EIPR1: variants seen among roughly 807,000 people sequenced by gnomAD.
The protein encoded by EIPR1 is EARP complex and GARP complex interacting protein 1, also known as EARP and GARP complex-interacting protein 1.
In EIPR1, 25 loss-of-function variants were observed where a neutral mutation model predicts 48.1. The ratio of observed to expected loss-of-function variants is 0.52; its 90% CI spans 0.38 to 0.73. The LOEUF is 0.73. EIPR1 is among the 30% of genes least tolerant of loss of function. The pLI, the probability that EIPR1 is intolerant of heterozygous loss-of-function variation, is 0.00. For missense variants in EIPR1, 415 were observed against 506.2 expected (o/e 0.82, Z 1.73); for synonymous variants, 204 against 201.9 (o/e 1.01, Z -0.09).
intron 2 of EIPR1, among the ~76,000 whole-genome samples, chr2:3,351,554 G>A (rs556256221): frequency 3.9e-5 from 6 of 152,180 alleles, no homozygotes; most frequent in East Asian, 1.9e-4. Flanking sequence ...TCTCCCATGT[G>A]GGTTTTACTC....
chr2:3,246,891 G>A (rs1377308678), intron 4 of EIPR1, among the ~76,000 whole-genome samples: 2 of 83,688 alleles, frequency 2.4e-5, no homozygotes, highest in African/African-American at 4.8e-5. Context: ...GAGGGAGGGA[G>A]GGAGGGAAGG....
chr2:3,296,272 C>CCT (rs1558281189), intron 3 of EIPR1, among the ~76,000 whole-genome samples: 3 of 121,100 alleles, frequency 2.5e-5, no homozygotes, highest in African/African-American at 6.4e-5. Flanking sequence ...TCCAGCCCAT[C>CCT]CTCACCACAC....
At chr2:3,227,919 T>A (rs1013868845) in intron 4 of EIPR1, among the ~76,000 whole-genome samples, 1 of 152,266 alleles carries the variant, frequency 6.6e-6, no homozygotes, top group Non-Finnish European at 1.5e-5. Flanking sequence ...TATGGAAACC[T>A]CTGCCTAGAT....
chr2:3,198,038 C>A (rs1195134602), intron 5 of EIPR1, among the ~76,000 whole-genome samples: 1 of 152,200 alleles, frequency 6.6e-6, no homozygotes, highest in African/African-American at 2.4e-5. Flanking sequence ...GTTGGGTACC[C>A]AGGCTCGGGG....
At chr2:3,369,465 G>T (rs190383023) in intron 1 of EIPR1, among the ~76,000 whole-genome samples, 3,831 of 152,306 alleles carry the variant, frequency 0.025, 55 homozygotes, top group Middle Eastern at 0.034. Flanking sequence ...AGGGGTCAGG[G>T]AGTTCCCTTT....
chr2:3,208,842 G>A (rs1201635468), intron 5 of EIPR1: 2 of 1,550,358 alleles, frequency 1.3e-6, no homozygotes, highest in Non-Finnish European at 1.7e-6. Flanking sequence ...CAGGTGTCTG[G>A]GGCCATCCCT....
At chr2:3,336,918 AAAGGGAAGGGAAGGGAAAAGGG>A in intron 3 of EIPR1, among the ~76,000 whole-genome samples, 1 of 53,462 alleles carries the variant, frequency 1.9e-5, no homozygotes, top group Non-Finnish European at 4.3e-5. Context: ...AGGGAAGGGA[AAAGGGAAGGGAAGGGAAAAGGG>A]AAGGGAAGGG....
intron 3 of EIPR1, 99 bp from the exon 4 acceptor site, chr2:3,257,554 G>T: frequency 2.1e-6 from 3 of 1,408,936 alleles, no homozygotes; most frequent in Non-Finnish European, 2.9e-6. Context: ...TAAGCAGCGC[G>T]CATCTGCTCT....
intron 4 of EIPR1, among the ~76,000 whole-genome samples, chr2:3,246,078 C>T (rs1376186414): frequency 6.6e-6 from 1 of 152,126 alleles, no homozygotes; most frequent in Non-Finnish European, 1.5e-5. Context: ...AGTGACAAAG[C>T]CAGACCCCGT....
chr2:3,332,586 C>A (rs1378349109), intron 3 of EIPR1, among the ~76,000 whole-genome samples: 1 of 152,218 alleles, frequency 6.6e-6, no homozygotes, highest in Non-Finnish European at 1.5e-5. Context: ...GCCCACAGAC[C>A]AGTTACTGTT....
Position 3,230,126 on chromosome 2 carries a change from G to A in EIPR1, c.417-15878C>T, listed in dbSNP as rs894573027. ...CAGTGTACAGGTGTTTCACTGGCTT[G>A]GTAAAAGTTATTCCTGAAAATTTTA... On this transcript the variant is annotated intron_variant, in intron 4 of 8. Transcript: ENST00000382125. 9.0e-4 allele frequency among the ~76,000 whole-genome samples: 132 copies of A among 146,848 alleles called. 1 individual carries two copies. The highest frequency in any genetic ancestry group is 4.1e-3 in the South Asian group (18 of 4,394).
At chr2:3,226,928 T>C (rs1460425525) in intron 4 of EIPR1, among the ~76,000 whole-genome samples, 1 of 152,246 alleles carries the variant, frequency 6.6e-6, no homozygotes, top group Non-Finnish European at 1.5e-5. Context: ...CTCCTTCACC[T>C]TCCCATGATT....
chr2:3,344,290 G>A (rs1378381340), intron 2 of EIPR1, among the ~76,000 whole-genome samples: 1 of 152,232 alleles, frequency 6.6e-6, no homozygotes, highest in Non-Finnish European at 1.5e-5. Flanking sequence ...TAAGAGTTAT[G>A]CAGAATACTG....
intron 3 of EIPR1, among the ~76,000 whole-genome samples, chr2:3,280,868 C>G (rs1341485322): frequency 6.6e-6 from 1 of 152,174 alleles, no homozygotes; most frequent in African/African-American, 2.4e-5. Context: ...TGAGCACAAG[C>G]AGCCAGTGCC....
intron 4 of EIPR1, among the ~76,000 whole-genome samples, chr2:3,237,221 T>TACACACACAC (rs35498711): frequency 0.042 from 5,305 of 127,734 alleles, 182 homozygotes; most frequent in East Asian, 0.1. Context: ...TTTTGAAAAC[T>TACACACACAC]ACACACACAC....
intron 2 of EIPR1, among the ~76,000 whole-genome samples, chr2:3,354,043 A>G (rs974106861): frequency 6.6e-6 from 1 of 152,178 alleles, no homozygotes; most frequent in Non-Finnish European, 1.5e-5. Context: ...CTGCCAGGCC[A>G]TGAACCGAAT....
At chr2:3,355,241 G>T (rs886597720) in intron 1 of EIPR1, among the ~76,000 whole-genome samples, 2 of 152,158 alleles carry the variant, frequency 1.3e-5, no homozygotes, top group African/African-American at 4.8e-5. Flanking sequence ...TGACAGACTC[G>T]TGGAGCTCAG....
At chr2:3,348,961 CT>C (rs1214870965) in intron 2 of EIPR1, among the ~76,000 whole-genome samples, 4 of 152,332 alleles carry the variant, frequency 2.6e-5, no homozygotes, top group African/African-American at 9.6e-5. Flanking sequence ...CACAGGCGGG[CT>C]GCTCGCAGCC....
chr2:3,250,459 C>A (rs748291921), intron 4 of EIPR1, among the ~76,000 whole-genome samples: 1 of 152,214 alleles, frequency 6.6e-6, no homozygotes, highest in South Asian at 2.1e-4. Context: ...TTTCATTTTA[C>A]AGCCCATACC....
Sources: gnomAD v4.1 joint callset for allele counts (sites outside exome capture counted in the v4.1 genomes callset) on GRCh38, gnomAD v4.1.1 for gene constraint, MANE v1.5 for transcripts, NCBI Gene and HGNC (gene_info 2026-07-23, HGNC 2026-07-21) for gene names.